The following CDH12 variants were observed in gnomAD, a reference collection of about 807,000 sequenced individuals.
CDH12 encodes cadherin 12.
CDH12 carries 41 observed loss-of-function variants against 74.1 expected under a neutral mutation model. That is an observed-to-expected ratio of 0.55 (90% CI 0.43 to 0.72). CDH12 has a LOEUF of 0.72. Among genes scored for constraint, CDH12 ranks in the 30% least tolerant of loss-of-function variants. The pLI, the probability that CDH12 is intolerant of heterozygous loss-of-function variation, is 0.00. For synonymous variants in CDH12, 399 were observed against 355.0 expected (o/e 1.12, Z -1.39); for missense variants, 945 against 977.2 (o/e 0.97, Z 0.44).
chr5:22,244,788 G>GA (rs781304545), intron 3 of CDH12, among the ~76,000 whole-genome samples: 1 of 131,274 alleles, frequency 7.6e-6, no homozygotes, highest in African/African-American at 2.8e-5. Flanking sequence ...AAGAAAGAAA[G>GA]AAAGAAAGAA....
At chr5:22,313,172 A>T (rs1738462599) in intron 3 of CDH12, among the ~76,000 whole-genome samples, 1 of 152,140 alleles carries the variant, frequency 6.6e-6, no homozygotes. Flanking sequence ...TGCCCTAAAG[A>T]CTTCTGAAGT....
At chr5:21,880,603 CCTT>C (rs1561268211) in intron 6 of CDH12, among the ~76,000 whole-genome samples, 2 of 62,314 alleles carry the variant, frequency 3.2e-5, no homozygotes, top group African/African-American at 1.1e-4. Flanking sequence ...TTCCTTCCTT[CCTT>C]CCTTCCTTCC....
At chr5:22,438,064 G>A (rs1315837175) in intron 2 of CDH12, among the ~76,000 whole-genome samples, 1 of 151,842 alleles carries the variant, frequency 6.6e-6, no homozygotes, top group Admixed American at 6.6e-5. Flanking sequence ...ACAATAATCA[G>A]AATCTATGGC....
chr5:22,792,208 C>A (rs1166660544), intron 1 of CDH12, among the ~76,000 whole-genome samples: 1 of 151,486 alleles, frequency 6.6e-6, no homozygotes. Flanking sequence ...CCTGCCTCAG[C>A]TGCCCAAGTA....
chr5:22,053,532 T>G (rs2150196696), intron 5 of CDH12, among the ~76,000 whole-genome samples: 1 of 152,116 alleles, frequency 6.6e-6, no homozygotes, highest in Non-Finnish European at 1.5e-5. Context: ...CCATTCTGGC[T>G]TTCTATCCAG....
chr5:22,375,802 A>T (rs2126361717), intron 3 of CDH12, among the ~76,000 whole-genome samples: 1 of 151,906 alleles, frequency 6.6e-6, no homozygotes, highest in African/African-American at 2.4e-5. Context: ...AAACAAACAA[A>T]CAGAAAAAAA....
At chr5:22,326,621 T>C (rs1349125485) in intron 3 of CDH12, among the ~76,000 whole-genome samples, 1 of 152,168 alleles carries the variant, frequency 6.6e-6, no homozygotes. Flanking sequence ...ATCAAATATA[T>C]GCTCAAAAGT....
chr5:21,806,278 T>A (rs1420370795), intron 9 of CDH12, among the ~76,000 whole-genome samples: 1 of 152,076 alleles, frequency 6.6e-6, no homozygotes, highest in South Asian at 2.1e-4. Context: ...GGGAGAAAAA[T>A]TGCATCTGTA....
At chr5:22,040,981 G>C (rs970887233) in intron 5 of CDH12, among the ~76,000 whole-genome samples, 1 of 151,870 alleles carries the variant, frequency 6.6e-6, no homozygotes, top group Non-Finnish European at 1.5e-5. Flanking sequence ...TTAAAAGTCA[G>C]AACAGTCAAA....
chr5:21,849,771 T>A (rs1223395231), intron 7 of CDH12, among the ~76,000 whole-genome samples: 5 of 151,718 alleles, frequency 3.3e-5, no homozygotes, highest in Non-Finnish European at 5.9e-5. Flanking sequence ...GAATGCTCTA[T>A]CCCCATGTGA....
intron 3 of CDH12, among the ~76,000 whole-genome samples, chr5:22,355,523 A>ATATAT (rs1554034342): frequency 8.3e-5 from 7 of 84,026 alleles, no homozygotes; most frequent in South Asian, 3.4e-4. Context: ...TTAAAAAAAA[A>ATATAT]ATATATATAT....
rs10654995 is a variant in CDH12 at position 22,720,037 on chromosome 5, A to AACACAC, written c.-523+133015_-523+133020dup. Among the ~76,000 whole-genome samples, 130 of 148,428 alleles carry AACACAC rather than the reference A, an allele frequency of 8.8e-4. 1 individual carries two copies. The highest frequency in any genetic ancestry group is 1.9e-3 in the African/African-American group (76 of 40,726). ...TCAGCACTAGGATTCACAAAAACACAACACACACACACACACACACACAGA... is the reference window on the plus strand; with the variant it reads ...TCAGCACTAGGATTCACAAAAACACAACACACACACACACACACACACACACACAGA... On this transcript the variant is annotated intron_variant, in intron 1 of 14. Transcript: ENST00000382254.
chr5:22,722,138 C>A (rs181556727), intron 1 of CDH12, among the ~76,000 whole-genome samples: 1 of 152,294 alleles, frequency 6.6e-6, no homozygotes, highest in Admixed American at 6.5e-5. Flanking sequence ...ACAGAACCTA[C>A]CTGATCAAGC....
chr5:22,310,611 T>G (rs1326106795), intron 3 of CDH12, among the ~76,000 whole-genome samples: 1 of 152,200 alleles, frequency 6.6e-6, no homozygotes, highest in Non-Finnish European at 1.5e-5. Flanking sequence ...GTATTGCATG[T>G]AAGACCATCC....
intron 1 of CDH12, among the ~76,000 whole-genome samples, chr5:22,518,999 G>A (rs1346599556): frequency 1.3e-5 from 2 of 152,098 alleles, no homozygotes; most frequent in African/African-American, 4.8e-5. Flanking sequence ...TGGTACCAGT[G>A]TCCAGGGAAA....
At chr5:22,824,873 A>T (rs954986204) in intron 1 of CDH12, among the ~76,000 whole-genome samples, 47 of 151,788 alleles carry the variant, frequency 3.1e-4, no homozygotes, top group African/African-American at 1.1e-3. Flanking sequence ...TGTGTGTCCA[A>T]AATTTATATA....
At chr5:22,820,691 T>A (rs1749652575) in intron 1 of CDH12, among the ~76,000 whole-genome samples, 1 of 152,084 alleles carries the variant, frequency 6.6e-6, no homozygotes. Flanking sequence ...CAGGAGGAAG[T>A]TGAATCCCTG....
intron 1 of CDH12, among the ~76,000 whole-genome samples, chr5:22,556,815 T>A (rs1374875053): frequency 2.6e-5 from 4 of 152,034 alleles, no homozygotes; most frequent in African/African-American, 9.7e-5. Flanking sequence ...CCCTTCGAGA[T>A]GTAAATCTTC....
At chr5:22,570,331 G>A (rs1580774849) in intron 1 of CDH12, among the ~76,000 whole-genome samples, 1 of 152,100 alleles carries the variant, frequency 6.6e-6, no homozygotes, top group African/African-American at 2.4e-5. Context: ...TTACAGGCAT[G>A]AGCCACTGTG....
Sources: allele counts gnomAD v4.1 joint callset (sites outside exome capture counted in the v4.1 genomes callset), GRCh38; gene constraint gnomAD v4.1.1; transcripts MANE v1.5; gene names NCBI Gene and HGNC (gene_info 2026-07-23, HGNC 2026-07-21).